Variants in GPC6 observed in about 807,000 individuals in gnomAD.
GPC6 encodes the protein glypican-6.
Under a neutral mutation model 55.2 loss-of-function variants are expected in GPC6, and 14 were observed. The ratio of observed to expected loss-of-function variants is 0.25; its 90% confidence interval spans 0.17 to 0.40. GPC6 has a LOEUF of 0.40. Among genes scored for constraint, GPC6 ranks in the 10% least tolerant of loss-of-function variants. The probability of loss-of-function intolerance (pLI) is 1.00; values close to 1 mark genes in which losing one functional copy is unlikely to be tolerated. For synonymous variants in GPC6, 278 were observed against 259.6 expected (o/e 1.07, Z -0.68); for missense variants, 641 against 708.5 (o/e 0.90, Z 1.08).
chr13:93,592,808 T>A lies in GPC6; in HGVS notation c.319+47387T>A, dbSNP rs371514270. Among the ~76,000 whole-genome samples, 9 of 152,140 alleles carry A rather than the reference T, an allele frequency of 5.9e-5. No individual in the cohort carries two copies. In the East Asian group the frequency reaches 1.2e-3, roughly 20 times the overall value. On this transcript the variant is annotated intron_variant, in intron 2 of 8. Transcript: ENST00000377047. The stretch of plus-strand genomic sequence containing the variant: ...TCTTCATAAATAGAACCGTTGATTA[T>A]TTGAAGTCAAATATTGTTCCAGGAG...
intron 4 of GPC6, among the ~76,000 whole-genome samples, chr13:94,268,756 G>A (rs751502772): frequency 5.9e-5 from 9 of 152,182 alleles, no homozygotes; most frequent in Non-Finnish European, 1.3e-4. Context: ...CAAGGCCTGT[G>A]ACATGGGATG....
At chr13:93,492,017 T>G (rs1374765146) in intron 1 of GPC6, among the ~76,000 whole-genome samples, 1 of 140,510 alleles carries the variant, frequency 7.1e-6, no homozygotes, top group African/African-American at 2.7e-5. Context: ...CTTTTTTGGT[T>G]CCATATGAAC....
intron 1 of GPC6, among the ~76,000 whole-genome samples, chr13:93,339,754 C>G (rs1302800932): frequency 1.3e-5 from 2 of 152,154 alleles, no homozygotes; most frequent in Non-Finnish European, 2.9e-5. Context: ...ACCAGAATGT[C>G]CTGCACACTC....
chr13:93,251,993 A>G (rs191726344), intron 1 of GPC6, among the ~76,000 whole-genome samples: 172 of 152,320 alleles, frequency 1.1e-3, no homozygotes, highest in Non-Finnish European at 1.9e-3. Context: ...TACCATCAGG[A>G]GAATGATCTG....
intron 3 of GPC6, among the ~76,000 whole-genome samples, chr13:93,841,427 A>T (rs774211001): frequency 6.6e-6 from 1 of 152,150 alleles, no homozygotes; most frequent in Non-Finnish European, 1.5e-5. Flanking sequence ...ATTCCTTTGC[A>T]TCTATTTGCA....
rs1555300845 is a variant in GPC6, at chr13:93,444,196, T to TTCTTC, written c.161-101066_161-101065insCTTCT. On this transcript the variant is annotated intron_variant, in intron 1 of 8. Coordinates refer to ENST00000377047, the MANE Select transcript of GPC6 (RefSeq NM_005708.5). The stretch of plus-strand genomic sequence containing the variant: ...GTAAAAAGTCAAAATGCAATTCTTC[T>TTCTTC]TTTTTTTTTTTTTTTTTTGGTAAAT... 5.4e-3 allele frequency among the ~76,000 whole-genome samples: 68 copies of TTCTTC among 12,592 alleles called. No individual in the cohort carries two copies. The South Asian group carries it at 0.088, about 16-fold the overall frequency. The allele number at this position is 12,592 out of a possible 152,430, so 8.3% of individuals were successfully genotyped here.
chr13:94,005,553 A>G (rs1048872114), intron 3 of GPC6, among the ~76,000 whole-genome samples: 4 of 152,228 alleles, frequency 2.6e-5, no homozygotes, highest in African/African-American at 9.6e-5. Context: ...AAGAAAAGAC[A>G]TATCAGGAGA....
At chr13:94,216,247 C>T (rs766542140) in intron 4 of GPC6, among the ~76,000 whole-genome samples, 1 of 152,270 alleles carries the variant, frequency 6.6e-6, no homozygotes, top group East Asian at 1.9e-4. Context: ...CGCATAATTA[C>T]CTCCACTGTG....
At chr13:93,502,845 T>G (rs1880571869) in intron 1 of GPC6, among the ~76,000 whole-genome samples, 1 of 152,118 alleles carries the variant, frequency 6.6e-6, no homozygotes, top group East Asian at 1.9e-4. Context: ...TATGTAGAAT[T>G]AGGAAGGGCT....
intron 1 of GPC6, among the ~76,000 whole-genome samples, chr13:93,353,924 T>C (rs538748493): frequency 3.4e-4 from 52 of 152,346 alleles, no homozygotes; most frequent in Admixed American, 8.5e-4. Flanking sequence ...TTTATCTAAA[T>C]AATAGCTTTA....
intron 2 of GPC6, among the ~76,000 whole-genome samples, chr13:93,734,368 C>A (rs74108620): frequency 0.028 from 4,213 of 152,200 alleles, 209 homozygotes; most frequent in African/African-American, 0.095. Context: ...ACAAAAGCTG[C>A]AGCCACAGTA....
intron 1 of GPC6, among the ~76,000 whole-genome samples, chr13:93,372,452 T>C (rs1874706516): frequency 6.6e-6 from 1 of 152,182 alleles, no homozygotes; most frequent in East Asian, 1.9e-4. Context: ...TTGTTATTGA[T>C]ACATAGGTGT....
intron 6 of GPC6, among the ~76,000 whole-genome samples, chr13:94,326,707 A>G (rs1245284382): frequency 1.3e-5 from 2 of 152,258 alleles, no homozygotes; most frequent in Non-Finnish European, 2.9e-5. Flanking sequence ...TATGGCCTAC[A>G]TGTTGTCACT....
chr13:94,236,837 C>T (rs1332712312), intron 4 of GPC6, among the ~76,000 whole-genome samples: 4 of 151,684 alleles, frequency 2.6e-5, no homozygotes, highest in African/African-American at 9.7e-5. Context: ...GACAGAGTTC[C>T]TCTAACATCC....
At chr13:94,150,003 G>A (rs1326186999) in intron 4 of GPC6, among the ~76,000 whole-genome samples, 1 of 152,004 alleles carries the variant, frequency 6.6e-6, no homozygotes, top group Non-Finnish European at 1.5e-5. Flanking sequence ...TATAGGCCAG[G>A]ATAACAGGAA....
intron 1 of GPC6, among the ~76,000 whole-genome samples, chr13:93,381,525 G>A (rs892347871): frequency 6.6e-6 from 1 of 152,258 alleles, no homozygotes; most frequent in East Asian, 1.9e-4. Flanking sequence ...TAAGAATTGA[G>A]CATTGTTTTT....
At chr13:93,836,370 A>G (rs1887732337) in intron 3 of GPC6, among the ~76,000 whole-genome samples, 1 of 152,238 alleles carries the variant, frequency 6.6e-6, no homozygotes, top group Non-Finnish European at 1.5e-5. Context: ...GAGAATACAA[A>G]GATCACCTGT....
chr13:93,675,227 CT>C (rs2139633479), intron 2 of GPC6, among the ~76,000 whole-genome samples: 1 of 151,990 alleles, frequency 6.6e-6, no homozygotes, highest in South Asian at 2.1e-4. Context: ...TCTCCAAACT[CT>C]TTAAGTCTCC....
intron 3 of GPC6, among the ~76,000 whole-genome samples, chr13:93,945,854 T>A (rs1282436780): frequency 6.6e-6 from 1 of 152,228 alleles, no homozygotes; most frequent in Non-Finnish European, 1.5e-5. Context: ...GTTGATATTT[T>A]TGTTTTTGTT....
Sources: gnomAD v4.1 joint callset for allele counts (sites outside exome capture counted in the v4.1 genomes callset) on GRCh38, gnomAD v4.1.1 for gene constraint, MANE v1.5 for transcripts, NCBI Gene and HGNC (gene_info 2026-07-23, HGNC 2026-07-21) for gene names.